ATP11A: variants seen among roughly 807,000 people sequenced by gnomAD.
ATP11A encodes ATPase phospholipid transporting 11A.
A neutral mutation model predicts 154.4 loss-of-function variants in ATP11A; 81 were observed. That is an observed-to-expected ratio of 0.52 (90% confidence interval 0.44 to 0.63). The LOEUF (loss-of-function observed/expected upper bound fraction) is 0.63. ATP11A is among the 30% of genes least tolerant of loss of function. The pLI is 0.00. For synonymous variants in ATP11A, 623 were observed against 585.9 expected, an observed-to-expected ratio of 1.06 and a Z score of -0.91; for missense variants, 1,316 against 1,474.3, an observed-to-expected ratio of 0.89 and a Z score of 1.76.
rs543409281 is a variant in ATP11A at position 112,801,818 on chromosome 13, G to T, written c.163-3139G>T. 1.2e-4 allele frequency among the ~76,000 whole-genome samples: 19 copies of T among 152,306 alleles called. 1 individual carries two copies. The South Asian group carries it at 3.7e-3, about 30-fold the overall frequency. On this transcript the variant is annotated intron_variant, in intron 2 of 29. Transcript: ENST00000375645. ...GGAGAGATGTTCCATGTTCATGGAT[G>T]GGAAAACTCCATGTTTTTAAGATGT...
chr13:112,792,575 C>T (rs1450274960), intron 2 of ATP11A, among the ~76,000 whole-genome samples: 2 of 152,124 alleles, frequency 1.3e-5, no homozygotes, highest in Non-Finnish European at 2.9e-5. Flanking sequence ...AAAATGCTGT[C>T]GGGTTATTTT....
At chr13:112,763,270 G>A (rs796649648) in intron 1 of ATP11A, among the ~76,000 whole-genome samples, 2 of 152,262 alleles carry the variant, frequency 1.3e-5, no homozygotes, top group African/African-American at 4.8e-5. Context: ...CCAAGGAAAT[G>A]GGAAAGGCGA....
At chr13:112,740,142 C>A (rs966997767) in intron 1 of ATP11A, among the ~76,000 whole-genome samples, 51 of 104,452 alleles carry the variant, frequency 4.9e-4, no homozygotes, top group African/African-American at 2.0e-3. Context: ...CTCTCTCTCT[C>A]TCTCTCTATA....
chr13:112,828,803 G>A lies in ATP11A; in HGVS notation c.1221+1912G>A, dbSNP rs185624320. On this transcript the variant is annotated intron_variant, in intron 12 of 29. Transcript: ENST00000375645. Reference sequence around the variant, plus strand: ...GGGGGACACACTGAGGTCAAGACGGGTGGACAAGCCCAAAAGGCAGGTTCA... The same window carrying A: ...GGGGGACACACTGAGGTCAAGACGGATGGACAAGCCCAAAAGGCAGGTTCA... Among the ~76,000 whole-genome samples the A allele has an allele frequency of 8.0e-4, 122 of 152,360 alleles. 1 individual carries two copies. Among genetic ancestry groups the A allele is most frequent in the Middle Eastern group, 3.4e-3 (1 of 294 alleles).
chr13:112,878,168 A>G (rs752570501), intron 28 of ATP11A, 49 bp from the exon 29 acceptor site: 2 of 1,553,668 alleles, frequency 1.3e-6, no homozygotes, highest in East Asian at 4.5e-5. Flanking sequence ...AAATCCTCAC[A>G]CCTTGTTCAC....
At chr13:112,770,274 G>A (rs2077195118) in intron 1 of ATP11A, among the ~76,000 whole-genome samples, 1 of 152,212 alleles carries the variant, frequency 6.6e-6, no homozygotes, top group Admixed American at 6.5e-5. Context: ...GGTCGACTGT[G>A]TTTCCAGATC....
intron 1 of ATP11A, among the ~76,000 whole-genome samples, chr13:112,761,111 G>A (rs2076951487): frequency 1.3e-5 from 2 of 152,080 alleles, no homozygotes; most frequent in Admixed American, 6.6e-5. Context: ...GGCTGCGGAC[G>A]CTCCCCACCC....
At chr13:112,749,729 TGAATTTCTGTCTTAGG>T (rs536470156) in intron 1 of ATP11A, among the ~76,000 whole-genome samples, 2 of 146,802 alleles carry the variant, frequency 1.4e-5, no homozygotes, top group South Asian at 2.2e-4. Flanking sequence ...CAGCCTCTCG[TGAATTTCTGTCTTAGG>T]GAAGGAGAAT....
In ATP11A at chr13:112,749,097, G is replaced by A. The variant is rs181824252; in HGVS notation, c.40-36038G>A. Among the ~76,000 whole-genome samples the A allele has an allele frequency of 5.9e-5, 9 of 152,320 alleles. No homozygotes were observed. In the South Asian group the frequency reaches 6.2e-4, roughly 11 times the overall value. On this transcript the variant is annotated intron_variant, in intron 1 of 29. Coordinates refer to ENST00000375645, the MANE Select transcript of ATP11A (RefSeq NM_015205.3). ...GGGCCCCAGGGCAGGTGGCTGCAGC[G>A]TCCCCAGCGGCCTCCCTGGCGTGCC...
At chr13:112,804,448 C>G (rs1204169213) in intron 2 of ATP11A, among the ~76,000 whole-genome samples, 2 of 29,990 alleles carry the variant, frequency 6.7e-5, no homozygotes, top group Non-Finnish European at 1.3e-4. Context: ...TCCCTCCCCC[C>G]CATCCCCTCT....
intron 1 of ATP11A, among the ~76,000 whole-genome samples, chr13:112,694,738 C>T (rs758957289): frequency 6.6e-6 from 1 of 152,080 alleles, no homozygotes; most frequent in Non-Finnish European, 1.5e-5. Flanking sequence ...TTGTTTCTAC[C>T]TTACCATTCT....
chr13:112,851,257 T>G (rs754931899), intron 18 of ATP11A, 39 bp downstream of exon 18: 3 of 1,588,592 alleles, frequency 1.9e-6, no homozygotes, highest in African/African-American at 1.3e-5. Context: ...AGAGACAAAC[T>G]GGGATGCAGG....
At chr13:112,877,691 C>T (rs1280627915) in intron 28 of ATP11A, among the ~76,000 whole-genome samples, 1 of 152,176 alleles carries the variant, frequency 6.6e-6, no homozygotes, top group East Asian at 1.9e-4. Context: ...CCTGAGCAGG[C>T]AGGAGTTGAA....
intron 1 of ATP11A, among the ~76,000 whole-genome samples, chr13:112,766,017 G>T (rs1046943677): frequency 2.0e-5 from 3 of 152,218 alleles, no homozygotes; most frequent in Non-Finnish European, 2.9e-5. Flanking sequence ...TTGGGATACG[G>T]TCGGGGGCGG....
At position 112,729,347 on chromosome 13, in the gene ATP11A, C is replaced by T. The variant is rs1409848593; in HGVS notation, c.39+38892C>T. 3.9e-5 allele frequency among the ~76,000 whole-genome samples: 6 copies of T among 152,364 alleles called. No homozygotes were observed. In the East Asian group the frequency reaches 1.2e-3, roughly 29 times the overall value. On this transcript the variant is annotated intron_variant, in intron 1 of 29. Transcript: ENST00000375645. ...TTCCATGGGTTTATCCGACTCTGCC[C>T]ACTGAGGCAGCACAGTCCCCTCGCC... is the stretch of plus-strand genomic sequence containing the variant.
At chr13:112,823,858 G>A (rs1348491859) in intron 9 of ATP11A, among the ~76,000 whole-genome samples, 2 of 152,182 alleles carry the variant, frequency 1.3e-5, no homozygotes, top group Non-Finnish European at 2.9e-5. Flanking sequence ...CAGGATGCCT[G>A]CAGATGCCAA....
intron 1 of ATP11A, among the ~76,000 whole-genome samples, chr13:112,700,505 A>G (rs914018): frequency 0.83 from 125,840 of 152,234 alleles, 52,532 homozygotes; most frequent in East Asian, 0.95. Context: ...CAGGGCAGCC[A>G]GGTCTCATTG....
intron 20 of ATP11A, among the ~76,000 whole-genome samples, 194 bp from the exon 21 acceptor site, chr13:112,857,624 G>A (rs1214200346): frequency 6.6e-6 from 1 of 151,868 alleles, no homozygotes. Context: ...ACTTTATTTT[G>A]TTTTGCTTTC....
chr13:112,880,985 C>T (rs1035238839), intron 29 of ATP11A: 12 of 991,280 alleles, frequency 1.2e-5, no homozygotes, highest in African/African-American at 1.7e-5. Context: ...CAGGAAGGAC[C>T]GTGCTTTGAA....
Sources: gnomAD v4.1 joint callset for allele counts (sites outside exome capture counted in the v4.1 genomes callset) on GRCh38, gnomAD v4.1.1 for gene constraint, MANE v1.5 for transcripts, NCBI Gene and HGNC (gene_info 2026-07-23, HGNC 2026-07-21) for gene names.